DLG2: variants seen among roughly 807,000 people sequenced by gnomAD.
DLG2 encodes the protein disks large homolog 2.
In DLG2, 45 loss-of-function variants were observed where a neutral mutation model predicts 132.5. The ratio of observed to expected loss-of-function variants is 0.34; its 90% CI spans 0.27 to 0.44. DLG2 has a LOEUF of 0.44. Ranked by LOEUF, DLG2 falls within the 20% of genes least tolerant of loss-of-function variation. DLG2 has a pLI of 1.00. For missense variants in DLG2, 1,045 were observed against 1,196.9 expected, an observed-to-expected ratio of 0.87 and a Z score of 1.87; for synonymous variants, 424 against 419.6, an observed-to-expected ratio of 1.01 and a Z score of -0.13.
intron 7 of DLG2, among the ~76,000 whole-genome samples, chr11:84,322,526 G>A (rs898907047): frequency 6.6e-6 from 1 of 151,768 alleles, no homozygotes; most frequent in African/African-American, 2.4e-5. Flanking sequence ...AACATGAAGA[G>A]AATCCTAAAC....
chr11:85,538,071 G>A lies in DLG2; in HGVS notation c.40+60586C>T, dbSNP rs187270283. Among the ~76,000 whole-genome samples the A allele has an allele frequency of 1.1e-3, 171 of 151,974 alleles. 2 individuals are homozygous for A. The highest frequency in any genetic ancestry group is 3.9e-3 in the African/African-American group (159 of 41,284). The stretch of plus-strand genomic sequence containing the variant: ...GTGGAGCTTCCAGTGAGCCGAGATC[G>A]CGCCACTGCACTCCAGCCTGGGTGA... On this transcript the variant is annotated intron_variant, in intron 3 of 27. Transcript: ENST00000376104.
At chr11:85,322,875 C>T (rs2081176003) in intron 3 of DLG2, among the ~76,000 whole-genome samples, 1 of 152,176 alleles carries the variant, frequency 6.6e-6, no homozygotes, top group African/African-American at 2.4e-5. Context: ...AGGTAACCAA[C>T]ATCTCACACC....
chr11:84,807,908 T>A (rs1379967656), intron 6 of DLG2, among the ~76,000 whole-genome samples: 2 of 152,150 alleles, frequency 1.3e-5, no homozygotes, highest in Non-Finnish European at 2.9e-5. Flanking sequence ...AATTGGAGAC[T>A]TCAACACTCC....
chr11:85,588,677 G>A (rs189185924), intron 3 of DLG2, among the ~76,000 whole-genome samples: 111 of 151,800 alleles, frequency 7.3e-4, no homozygotes, highest in African/African-American at 2.6e-3. Flanking sequence ...TCTTTATCTG[G>A]CAATTCAGAG....
At chr11:84,417,326 T>C (rs777114439) in intron 7 of DLG2, among the ~76,000 whole-genome samples, 1 of 152,232 alleles carries the variant, frequency 6.6e-6, no homozygotes, top group Admixed American at 6.5e-5. Context: ...GTCCACAGAA[T>C]TAATGTGAGG....
chr11:84,105,539 T>C (rs543183542), intron 9 of DLG2, among the ~76,000 whole-genome samples: 1 of 152,280 alleles, frequency 6.6e-6, no homozygotes, highest in East Asian at 1.9e-4. Context: ...TATTCTTTAA[T>C]TCATGCCTTA....
intron 7 of DLG2, among the ~76,000 whole-genome samples, chr11:84,478,796 T>TA (rs1471190544): frequency 6.6e-6 from 1 of 152,060 alleles, no homozygotes; most frequent in Non-Finnish European, 1.5e-5. Context: ...TGTCAGCTAG[T>TA]AAAAATCTAG....
intron 17 of DLG2, among the ~76,000 whole-genome samples, chr11:83,816,968 C>T (rs1516618): frequency 0.73 from 110,359 of 151,506 alleles, 41,585 homozygotes; most frequent in African/African-American, 0.93. Flanking sequence ...CTGCGCAATA[C>T]AGGTGTATAC....
At chr11:84,550,973 G>C (rs2099400684) in intron 6 of DLG2, among the ~76,000 whole-genome samples, 1 of 152,040 alleles carries the variant, frequency 6.6e-6, no homozygotes, top group Admixed American at 6.6e-5. Context: ...AGACACTCAG[G>C]GGTCCAGGTA....
At chr11:84,989,596 T>A (rs1478256771) in intron 6 of DLG2, among the ~76,000 whole-genome samples, 1 of 152,230 alleles carries the variant, frequency 6.6e-6, no homozygotes, top group Admixed American at 6.5e-5. Flanking sequence ...CAAGACTTTT[T>A]GGCTTTGTGG....
intron 6 of DLG2, among the ~76,000 whole-genome samples, chr11:84,961,723 A>T (rs2052607558): frequency 1.3e-5 from 2 of 152,192 alleles, no homozygotes; most frequent in South Asian, 4.1e-4. Context: ...TAAAATCTCT[A>T]AATATGCTCC....
chr11:83,507,510 A>C (rs140074569), intron 21 of DLG2, among the ~76,000 whole-genome samples: 9,885 of 145,572 alleles, frequency 0.068, 392 homozygotes, highest in South Asian at 0.13. Flanking sequence ...TATATCCTCT[A>C]TATATATATC....
intron 6 of DLG2, among the ~76,000 whole-genome samples, chr11:84,878,547 G>A (rs1368647996): frequency 6.6e-6 from 1 of 152,102 alleles, no homozygotes; most frequent in African/African-American, 2.4e-5. Flanking sequence ...CACACACTGG[G>A]TCCTGTCGGT....
intron 8 of DLG2, among the ~76,000 whole-genome samples, chr11:84,194,605 G>A (rs1467149935): frequency 2.0e-5 from 3 of 152,212 alleles, no homozygotes; most frequent in Admixed American, 6.5e-5. Context: ...CATTTTGACA[G>A]GGTACTGATT....
At chr11:83,562,408 T>A (rs1378357454) in intron 19 of DLG2, among the ~76,000 whole-genome samples, 1 of 152,108 alleles carries the variant, frequency 6.6e-6, no homozygotes, top group African/African-American at 2.4e-5. Flanking sequence ...TGTGATGCCC[T>A]GGGTGGGGGG....
intron 8 of DLG2, among the ~76,000 whole-genome samples, chr11:84,168,810 A>AAC (rs763826829): frequency 0.013 from 1,470 of 115,886 alleles, 29 homozygotes; most frequent in African/African-American, 0.043. Flanking sequence ...ACAGCAAATC[A>AAC]ACACACACAC....
intron 17 of DLG2, among the ~76,000 whole-genome samples, chr11:83,788,719 G>A (rs565052123): frequency 3.9e-5 from 6 of 152,282 alleles, no homozygotes; most frequent in African/African-American, 1.4e-4. Flanking sequence ...AACAGTTAAG[G>A]TTTACTTTTT....
At chr11:84,663,443 C>G (rs981040171) in intron 6 of DLG2, among the ~76,000 whole-genome samples, 16 of 151,978 alleles carry the variant, frequency 1.1e-4, no homozygotes, top group Admixed American at 2.0e-4. Flanking sequence ...AGTCTATTGA[C>G]AGGATATCCT....
At chr11:84,902,957 T>C (rs920094752) in intron 6 of DLG2, among the ~76,000 whole-genome samples, 1 of 115,728 alleles carries the variant, frequency 8.6e-6, no homozygotes, top group African/African-American at 2.8e-5. Flanking sequence ...GGTTCTTTCT[T>C]CCTTTCCCAA....
Sources: gnomAD v4.1 joint callset for allele counts (sites outside exome capture counted in the v4.1 genomes callset) on GRCh38, gnomAD v4.1.1 for gene constraint, MANE v1.5 for transcripts, NCBI Gene and HGNC (gene_info 2026-07-23, HGNC 2026-07-21) for gene names.